Variants in AKNAD1 observed in about 807,000 individuals in gnomAD.
AKNAD1 encodes protein AKNAD1.
Under a neutral mutation model 90.8 loss-of-function variants are expected in AKNAD1, and 67 were observed. That is an observed-to-expected ratio of 0.74 (90% CI 0.61 to 0.90). AKNAD1 has a LOEUF of 0.90. Among genes scored for constraint, AKNAD1 ranks in the 40% least tolerant of loss-of-function variants. The pLI, the probability that AKNAD1 is intolerant of heterozygous loss-of-function variation, is 0.00. For missense variants in AKNAD1, 957 were observed against 975.4 expected (o/e 0.98, Z 0.25); for synonymous variants, 327 against 341.4 (o/e 0.96, Z 0.46).
chr1:108,816,056 G>C lies in AKNAD1; in HGVS notation c.*115C>G. 1 of 1,153,944 alleles carries C rather than the reference G, an allele frequency of 8.7e-7. No homozygotes were observed. Among genetic ancestry groups the C allele is most frequent in the Non-Finnish European group, 1.2e-6 (1 of 863,324 alleles). The allele number at this position is 1,153,944 out of a possible 1,614,324, so 71.5% of individuals were successfully genotyped here. ...GTTACCCATTTCTTATGGTTTCTGT[G>C]TTTTCTCTAGAAAGTCATCTTCCTA... On this transcript the variant is annotated 3_prime_UTR_variant, in exon 16 of 16. Coordinates refer to ENST00000370001, the MANE Select transcript of AKNAD1 (RefSeq NM_152763.5).
rs113017253 is a variant in AKNAD1 at position 108,852,665 on chromosome 1, G to A, written c.-1C>T. 7.5e-3 allele frequency: 11,770 copies of A among 1,571,060 alleles called. 523 individuals are homozygous for A. The African/African-American group carries it at 0.11, about 15-fold the overall frequency. On this transcript the variant is annotated 5_prime_UTR_variant, in exon 2 of 16. Coordinates refer to ENST00000370001, the MANE Select transcript of AKNAD1 (RefSeq NM_152763.5). ...GTTCTGAAAAATCAGCCTCATCCAT[G>A]TGTGTGCAGCCCGATCGCTCTCGTC...
Position 108,823,523 on chromosome 1 carries a change from G to T in AKNAD1, c.2059+43C>A. The T allele has an allele frequency of 1.9e-6, 3 of 1,601,680 alleles. No individual in the cohort carries two copies. In the South Asian group the frequency reaches 3.3e-5, roughly 18 times the overall value. On this transcript the variant is annotated intron_variant, in intron 12 of 15. Coordinates refer to ENST00000370001, the MANE Select transcript of AKNAD1 (RefSeq NM_152763.5). ...ATACAGTTAATTGCCTGGGAACAGTGACTGTCCCCACTCGCCTTTCTGAGG... is the reference window on the plus strand; with the variant it reads ...ATACAGTTAATTGCCTGGGAACAGTTACTGTCCCCACTCGCCTTTCTGAGG...
In AKNAD1 at chr1:108,825,412, AATAAAG is replaced by A. The variant is rs376948035; in HGVS notation, c.1937-1730_1937-1725del. ...TGAGCCTCTAGTTCCTTATCTATAAAATAAAGATAATCATTCCTGCATTACAGGGAT... is the reference window on the plus strand; with the variant it reads ...TGAGCCTCTAGTTCCTTATCTATAAAATAATCATTCCTGCATTACAGGGAT... On this transcript the variant is annotated intron_variant, in intron 11 of 15. Coordinates refer to ENST00000370001, the MANE Select transcript of AKNAD1 (RefSeq NM_152763.5). 1.1e-4 allele frequency among the ~76,000 whole-genome samples: 16 copies of A among 151,858 alleles called. 1 individual carries two copies. Among genetic ancestry groups the A allele is most frequent in the Admixed American group, 2.6e-4 (4 of 15,134 alleles).
At position 108,851,693 on chromosome 1, in the gene AKNAD1, A is replaced by G; in HGVS notation, c.972T>C (p.Thr324=). ...TTACCTGGATTTGTTGTGAAGGTTC[A>G]GTGATTTTCCCTTTCTGCTCTTGAT... is the stretch of plus-strand genomic sequence containing the variant. The part of the protein sequence containing the change: ...KQHQEQKGKI[T]EPSQQIQMEP... Residue 324 remains threonine (T), a synonymous_variant, in exon 2 of 16, where the codon ACT becomes ACC. Transcript: ENST00000370001. The G allele has an allele frequency of 6.3e-7, 1 of 1,596,518 alleles. No individual in the cohort carries two copies. Among genetic ancestry groups the G allele is most frequent in the South Asian group, 1.1e-5 (1 of 88,080 alleles).
chr1:108,849,084 G>T (rs761678263), intron 3 of AKNAD1, 24 bp from the exon 4 acceptor site: 2 of 1,548,004 alleles, frequency 1.3e-6, no homozygotes, highest in Non-Finnish European at 1.7e-6. Flanking sequence ...AACACATTTG[G>T]GCTACCATTC....
chr1:108,825,515 T>C (rs1663968520), intron 11 of AKNAD1, among the ~76,000 whole-genome samples: 1 of 151,712 alleles, frequency 6.6e-6, no homozygotes, highest in Admixed American at 6.6e-5. Context: ...TTTACACTCT[T>C]AAAATTGAGG....
At chr1:108,828,643 G>C (rs576494673) in intron 10 of AKNAD1, among the ~76,000 whole-genome samples, 2 of 151,884 alleles carry the variant, frequency 1.3e-5, no homozygotes, top group Non-Finnish European at 2.9e-5. Context: ...CTGCGGGTTT[G>C]TGGGGCTGGG....
At chr1:108,821,728 T>C (rs910413165) in intron 13 of AKNAD1, among the ~76,000 whole-genome samples, 2 of 151,868 alleles carry the variant, frequency 1.3e-5, no homozygotes, top group Non-Finnish European at 2.9e-5. Context: ...AGAAGGAAAA[T>C]GTGGAAAAGT....
At chr1:108,824,622 AT>A (rs945848300) in intron 11 of AKNAD1, among the ~76,000 whole-genome samples, 1 of 151,310 alleles carries the variant, frequency 6.6e-6, no homozygotes. Context: ...TGCTATTTTT[AT>A]TTTTTTTGAG....
intron 1 of AKNAD1, among the ~76,000 whole-genome samples, chr1:108,855,149 C>T (rs1235182867): frequency 6.6e-6 from 1 of 152,222 alleles, no homozygotes; most frequent in Non-Finnish European, 1.5e-5. Context: ...CAAGGTGGCT[C>T]ATGCCTGTAA....
At chr1:108,818,495 A>G (rs936727796) in intron 14 of AKNAD1, among the ~76,000 whole-genome samples, 15 of 152,192 alleles carry the variant, frequency 9.9e-5, no homozygotes, top group African/African-American at 3.1e-4. Context: ...TCAACAGTAT[A>G]ACAGCCATCG....
chr1:108,823,259 G>A (rs373729478), intron 13 of AKNAD1, 111 bp downstream of exon 13: 1 of 881,140 alleles, frequency 1.1e-6, no homozygotes, highest in African/African-American at 1.7e-5. Flanking sequence ...GCAGCAAAAT[G>A]GAGAGGCCAG....
chr1:108,848,935 GTTC>G lies in AKNAD1; in HGVS notation c.1156_1158del (p.Glu386del), dbSNP rs758545251. The G allele has an allele frequency of 6.2e-7, 1 of 1,607,142 alleles. No homozygotes were observed. Among genetic ancestry groups the G allele is most frequent in the African/African-American group, 1.3e-5 (1 of 74,610 alleles). On this transcript the variant is annotated inframe_deletion, in exon 4 of 16. Transcript: ENST00000370001. ...ACTTTAGTCTTCAGTTGATCAGTCT[GTTC>G]TTTCAACTTCTGACACATCTGTTTC...
intron 9 of AKNAD1, among the ~76,000 whole-genome samples, chr1:108,831,063 C>T (rs558295173): frequency 7.9e-5 from 12 of 152,288 alleles, no homozygotes; most frequent in African/African-American, 2.9e-4. Flanking sequence ...ATTTTTAGAT[C>T]TATTAATCTG....
At chr1:108,844,360 C>T (rs1249099045) in intron 5 of AKNAD1, among the ~76,000 whole-genome samples, 2 of 137,170 alleles carry the variant, frequency 1.5e-5, no homozygotes, top group Non-Finnish European at 3.1e-5. Flanking sequence ...GAGACTCCAT[C>T]TCTCTCTCTC....
intron 6 of AKNAD1, among the ~76,000 whole-genome samples, 184 bp from the exon 7 acceptor site, chr1:108,837,890 C>T (rs889454504): frequency 6.6e-6 from 1 of 152,176 alleles, no homozygotes; most frequent in Non-Finnish European, 1.5e-5. Flanking sequence ...CTGATCTTCA[C>T]CTGCTGTCCA....
chr1:108,848,635 T>C (rs912728698), intron 5 of AKNAD1, 117 bp downstream of exon 5: 25 of 917,550 alleles, frequency 2.7e-5, no homozygotes, highest in African/African-American at 2.2e-4. Context: ...GTTTAATCTT[T>C]AGCAAAACAT....
rs773751707 is a variant in AKNAD1 at position 108,834,530 on chromosome 1, T to C, written c.1665-2A>G. The C allele has an allele frequency of 6.8e-7, 1 of 1,473,164 alleles. No individual in the cohort carries two copies. Among genetic ancestry groups the C allele is most frequent in the Admixed American group, 2.3e-5 (1 of 44,266 alleles). The allele number at this position is 1,473,164 out of a possible 1,614,324, so 91.3% of individuals were successfully genotyped here. A position where few individuals can be genotyped will look rare whatever the true frequency, so the allele number is the denominator to read the frequency against. On this transcript the variant is annotated splice_acceptor_variant, in intron 8 of 15. Coordinates refer to ENST00000370001, the MANE Select transcript of AKNAD1 (RefSeq NM_152763.5). LOFTEE classifies it high-confidence loss of function. ...TCTCCATAATGACCGTTTAGGTAAC[T>C]AATTTAAAAAAAAAAAAAGCAGTTT...
In AKNAD1 at chr1:108,828,296, A is replaced by C. The variant is rs182009787; in HGVS notation, c.1839-994T>G. 3.5e-3 allele frequency among the ~76,000 whole-genome samples: 527 copies of C among 151,802 alleles called. 8 individuals are homozygous for C. Among genetic ancestry groups the C allele is most frequent in the Non-Finnish European group, 5.2e-3 (356 of 67,958 alleles). ...GTGATTTTAGTTGCACATGGCCACC[A>C]GGTGGCGTCAGAAAGAAGCAACTGC... On this transcript the variant is annotated intron_variant, in intron 10 of 15. Coordinates refer to ENST00000370001, the MANE Select transcript of AKNAD1 (RefSeq NM_152763.5).
Sources: gnomAD v4.1 joint callset for allele counts (sites outside exome capture counted in the v4.1 genomes callset) on GRCh38, gnomAD v4.1.1 for gene constraint, MANE v1.5 for transcripts, NCBI Gene and HGNC (gene_info 2026-07-23, HGNC 2026-07-21) for gene names.